Variants in AGPS observed in about 807,000 individuals in gnomAD.
The protein encoded by AGPS is alkyldihydroxyacetonephosphate synthase, peroxisomal.
A neutral mutation model predicts 90.7 loss-of-function variants in AGPS; 26 were observed. That is an observed-to-expected ratio of 0.29 (90% CI 0.21 to 0.40). The LOEUF is 0.40. Ranked by LOEUF, AGPS falls within the 10% of genes least tolerant of loss-of-function variation. The probability of loss-of-function intolerance (pLI) is 1.00; values close to 1 mark genes in which losing one functional copy is unlikely to be tolerated. For missense variants in AGPS, 540 were observed against 816.1 expected, an observed-to-expected ratio of 0.66 and a Z score of 4.12; for synonymous variants, 294 against 285.3, an observed-to-expected ratio of 1.03 and a Z score of -0.31.
chr2:177,461,899 G>T lies in AGPS; in HGVS notation c.877G>T (p.Glu293Ter). The T allele has an allele frequency of 6.2e-7, 1 of 1,610,810 alleles. No homozygotes were observed. The highest frequency in any genetic ancestry group is 8.5e-7 in the Non-Finnish European group (1 of 1,177,998). Reference sequence around the variant, plus strand: ...TTAAATTTTTGTTTTTCAGCTTAAAGAAAGTGGTTATTGTACAGGTCATGA... The same window carrying T: ...TTAAATTTTTGTTTTTCAGCTTAAATAAAGTGGTTATTGTACAGGTCATGA... ...TGQELERQLK[E>*]SGYCTGHEPD... The change falls in exon 9 of 20, where the codon GAA (glutamate) becomes TAA (stop). Residue 293 changes from glutamate to a stop codon, truncating the protein, a stop_gained. Coordinates refer to ENST00000264167, the MANE Select transcript of AGPS (RefSeq NM_003659.4). LOFTEE classifies it high-confidence loss of function.
intron 11 of AGPS, 24 bp downstream of exon 11, chr2:177,482,210 T>C (rs765571374): frequency 8.3e-6 from 10 of 1,205,152 alleles, no homozygotes; most frequent in South Asian, 1.4e-5. Context: ...TATATATATA[T>C]ACATACATAC....
intron 15 of AGPS, among the ~76,000 whole-genome samples, chr2:177,507,629 A>G (rs1359526126): frequency 6.6e-6 from 1 of 152,310 alleles, no homozygotes; most frequent in Middle Eastern, 3.4e-3. Context: ...TATTTATGCC[A>G]CTAAAATTCT....
intron 6 of AGPS, 60 bp from the exon 7 acceptor site, chr2:177,442,347 A>G: frequency 7.6e-7 from 1 of 1,311,084 alleles, no homozygotes; most frequent in Admixed American, 1.7e-5. Context: ...GATTTGCCAT[A>G]GAAATATAGC....
chr2:177,442,525 T>A, intron 7 of AGPS, 39 bp downstream of exon 7: 1 of 1,460,904 alleles, frequency 6.8e-7, no homozygotes, highest in Non-Finnish European at 9.6e-7. Context: ...ACATTTTCTT[T>A]ATTGGCTCCA....
chr2:177,469,966 G>A (rs1687564817), intron 10 of AGPS, among the ~76,000 whole-genome samples: 1 of 152,128 alleles, frequency 6.6e-6, no homozygotes, highest in African/African-American at 2.4e-5. Flanking sequence ...GTAAAATGCA[G>A]AAGAAATATG....
At chr2:177,411,125 A>G (rs766741418) in intron 1 of AGPS, among the ~76,000 whole-genome samples, 5 of 152,030 alleles carry the variant, frequency 3.3e-5, no homozygotes, top group East Asian at 1.9e-4. Flanking sequence ...TCTGATCTCT[A>G]TTATAAAAAA....
chr2:177,541,231 C>A lies in AGPS; in HGVS notation c.*3036C>A, dbSNP rs528543567. On this transcript the variant is annotated 3_prime_UTR_variant, in exon 20 of 20. Coordinates refer to ENST00000264167, the MANE Select transcript of AGPS (RefSeq NM_003659.4). Reference sequence around the variant, plus strand: ...CCAGATACAGATGGTTGCAAGGAAACCTTTTCCCCCACTAGAATAGTCTAT... The same window carrying A: ...CCAGATACAGATGGTTGCAAGGAAAACTTTTCCCCCACTAGAATAGTCTAT... 6.6e-5 allele frequency: 10 copies of A among 152,230 alleles called. 1 individual carries two copies. The South Asian group carries it at 2.1e-3, about 32-fold the overall frequency. 9.4% of individuals were successfully genotyped at this position (152,230 alleles called of 1,614,324 possible).
At position 177,424,942 on chromosome 2, in the gene AGPS, A is replaced by G. The variant is rs375514821; in HGVS notation, c.350+4584A>G. Among the ~76,000 whole-genome samples the G allele has an allele frequency of 5.3e-5, 8 of 152,038 alleles. No homozygotes were observed. The South Asian group carries it at 1.5e-3, about 28-fold the overall frequency. ...TAATGGGGTTGGTTTTTTCTTGTAAATTTGTTTAAGTTCCTTGTAGACTCT... is the reference window on the plus strand; with the variant it reads ...TAATGGGGTTGGTTTTTTCTTGTAAGTTTGTTTAAGTTCCTTGTAGACTCT... On this transcript the variant is annotated intron_variant, in intron 2 of 19. Coordinates refer to ENST00000264167, the MANE Select transcript of AGPS (RefSeq NM_003659.4).
chr2:177,522,024 C>T (rs1165403458), intron 18 of AGPS, among the ~76,000 whole-genome samples: 1 of 152,058 alleles, frequency 6.6e-6, no homozygotes, highest in Non-Finnish European at 1.5e-5. Context: ...CAGTAGCACA[C>T]TTTTAGACCC....
At chr2:177,512,911 T>C (rs949269229) in intron 16 of AGPS, among the ~76,000 whole-genome samples, 6 of 150,424 alleles carry the variant, frequency 4.0e-5, no homozygotes, top group African/African-American at 1.5e-4. Flanking sequence ...TAGTGCGATG[T>C]TGGCTCACTG....
chr2:177,533,398 C>T (rs1474836020), intron 19 of AGPS, among the ~76,000 whole-genome samples: 1 of 151,988 alleles, frequency 6.6e-6, no homozygotes, highest in Non-Finnish European at 1.5e-5. Flanking sequence ...CATCCCCCCA[C>T]CCCTGTGTGA....
At chr2:177,444,814 A>G (rs576458815) in intron 7 of AGPS, among the ~76,000 whole-genome samples, 8 of 152,358 alleles carry the variant, frequency 5.3e-5, no homozygotes, top group African/African-American at 1.9e-4. Flanking sequence ...TCTTAATAGT[A>G]GAAAGTAATT....
chr2:177,512,927 T>C (rs1442016632), intron 16 of AGPS, among the ~76,000 whole-genome samples: 1 of 150,168 alleles, frequency 6.7e-6, no homozygotes, highest in Non-Finnish European at 1.5e-5. Flanking sequence ...CACTGCAACC[T>C]CAACCTCCCA....
Position 177,432,700 on chromosome 2 carries a change from T to C in AGPS, c.351-1627T>C, listed in dbSNP as rs557798800. Among the ~76,000 whole-genome samples, 27 of 152,358 alleles carry C rather than the reference T, an allele frequency of 1.8e-4. 1 individual carries two copies. The highest frequency in any genetic ancestry group is 2.8e-4 in the Non-Finnish European group (19 of 68,030). ...CAAGTATCTTGAAGGTGGTCACCTT[T>C]TTATTTTATGGGAATACCTGAGACT... On this transcript the variant is annotated intron_variant, in intron 2 of 19. Transcript: ENST00000264167.
In AGPS at chr2:177,540,007, T is replaced by TA. The variant is rs61052002; in HGVS notation, c.*1814dup. On this transcript the variant is annotated 3_prime_UTR_variant, in exon 20 of 20. Transcript: ENST00000264167. ...TTAATTGGTGATCAAAATATAAAATTAAGGTACTAATGTCTCACTGGAAGT... is the reference window on the plus strand; with the variant it reads ...TTAATTGGTGATCAAAATATAAAATTAAAGGTACTAATGTCTCACTGGAAGT... The TA allele has an allele frequency of 3.7e-4, 54 of 147,486 alleles. No individual in the cohort carries two copies. The highest frequency in any genetic ancestry group is 7.0e-3 in the Middle Eastern group (2 of 284). 9.1% of individuals were successfully genotyped at this position (147,486 alleles called of 1,614,324 possible).
intron 17 of AGPS, among the ~76,000 whole-genome samples, chr2:177,516,012 A>G (rs954691407): frequency 6.6e-6 from 1 of 152,154 alleles, no homozygotes; most frequent in African/African-American, 2.4e-5. Flanking sequence ...GTTTTTTATC[A>G]GGTGCTATGC....
At chr2:177,529,277 G>A (rs28552775) in intron 19 of AGPS, among the ~76,000 whole-genome samples, 3,513 of 151,992 alleles carry the variant, frequency 0.023, 144 homozygotes, top group African/African-American at 0.081. Flanking sequence ...GACAGTCTGC[G>A]CAACATAGCA....
chr2:177,439,705 T>C (rs1686539411), intron 5 of AGPS, among the ~76,000 whole-genome samples: 1 of 152,210 alleles, frequency 6.6e-6, no homozygotes, highest in Non-Finnish European at 1.5e-5. Context: ...AGCATTCTTA[T>C]TTCCTACTAA....
chr2:177,512,990 T>C (rs1210174438), intron 16 of AGPS, among the ~76,000 whole-genome samples: 1 of 152,004 alleles, frequency 6.6e-6, no homozygotes, highest in African/African-American at 2.4e-5. Context: ...ACTACAGACA[T>C]GCACCACCTT....
Sources: gnomAD v4.1 joint callset for allele counts (sites outside exome capture counted in the v4.1 genomes callset) on GRCh38, gnomAD v4.1.1 for gene constraint, MANE v1.5 for transcripts, NCBI Gene and HGNC (gene_info 2026-07-23, HGNC 2026-07-21) for gene names.